Variants in CPNE4 observed in about 807,000 individuals in gnomAD.
CPNE4 encodes copine 4.
Under a neutral mutation model 67.9 loss-of-function variants are expected in CPNE4, and 25 were observed. The ratio of observed to expected loss-of-function variants is 0.37; its 90% CI spans 0.27 to 0.51. CPNE4 has a LOEUF of 0.51. Ranked by LOEUF, CPNE4 falls within the 20% of genes least tolerant of loss-of-function variation. The probability of loss-of-function intolerance (pLI) is 0.93; values close to 1 mark genes in which losing one functional copy is unlikely to be tolerated. For synonymous variants in CPNE4, 242 were observed against 244.9 expected (o/e 0.99, Z 0.11); for missense variants, 464 against 690.8 (o/e 0.67, Z 3.68).
intron 2 of CPNE4, among the ~76,000 whole-genome samples, chr3:131,902,309 G>A (rs1469373848): frequency 6.6e-6 from 1 of 152,034 alleles, no homozygotes; most frequent in Non-Finnish European, 1.5e-5. Context: ...GTTTGTGGTA[G>A]CTGTGTGCTA....
chr3:131,824,516 A>G (rs375015533), intron 2 of CPNE4, among the ~76,000 whole-genome samples: 4 of 152,272 alleles, frequency 2.6e-5, no homozygotes, highest in African/African-American at 9.6e-5. Flanking sequence ...TATGGAGGGA[A>G]AGAGGGTGGG....
At chr3:131,814,733 T>C (rs1264818809) in intron 2 of CPNE4, among the ~76,000 whole-genome samples, 1 of 141,926 alleles carries the variant, frequency 7.0e-6, no homozygotes, top group Non-Finnish European at 1.5e-5. Flanking sequence ...GCCTCCCAAG[T>C]AGCTGGGACT....
rs577225397 is a variant in CPNE4, at chr3:131,914,119, T to G, written c.-1-8675A>C. 3.9e-5 allele frequency among the ~76,000 whole-genome samples: 6 copies of G among 152,280 alleles called. No homozygotes were observed. In the East Asian group the frequency reaches 5.8e-4, roughly 15 times the overall value. On this transcript the variant is annotated intron_variant, in intron 1 of 15. Coordinates refer to ENST00000429747, the MANE Select transcript of CPNE4 (RefSeq NM_130808.3). ...GGGATAATCCTTTTGTAGGACCTATTAGGACACCCATTTCCATTTCATAGG... is the reference window on the plus strand; with the variant it reads ...GGGATAATCCTTTTGTAGGACCTATGAGGACACCCATTTCCATTTCATAGG...
At chr3:131,843,935 CT>C (rs2085894920) in intron 2 of CPNE4, among the ~76,000 whole-genome samples, 1 of 152,100 alleles carries the variant, frequency 6.6e-6, no homozygotes, top group Non-Finnish European at 1.5e-5. Flanking sequence ...CTGACTTGGT[CT>C]AAATATGGCC....
intron 3 of CPNE4, among the ~76,000 whole-genome samples, chr3:131,703,460 C>T (rs1012031261): frequency 2.0e-5 from 3 of 152,092 alleles, no homozygotes; most frequent in Non-Finnish European, 1.5e-5. Flanking sequence ...TACCATTAGC[C>T]CTCTTATCTG....
At chr3:131,754,340 GAA>G (rs1040486749) in intron 2 of CPNE4, among the ~76,000 whole-genome samples, 12 of 151,326 alleles carry the variant, frequency 7.9e-5, no homozygotes, top group East Asian at 3.9e-4. Flanking sequence ...GAAAGAGAGA[GAA>G]AAAAGAGGGT....
At chr3:131,789,649 G>C (rs1196361889) in intron 2 of CPNE4, among the ~76,000 whole-genome samples, 5 of 152,128 alleles carry the variant, frequency 3.3e-5, no homozygotes, top group African/African-American at 1.2e-4. Context: ...TATTCAATGA[G>C]GCATTTAATG....
intron 1 of CPNE4, among the ~76,000 whole-genome samples, chr3:132,029,529 A>G (rs1583620605): frequency 6.6e-6 from 1 of 152,072 alleles, no homozygotes; most frequent in South Asian, 2.1e-4. Context: ...TTCTAGACTC[A>G]CCAGCTCCTA....
chr3:131,649,733 G>A (rs1033575506), intron 7 of CPNE4, among the ~76,000 whole-genome samples: 1 of 152,086 alleles, frequency 6.6e-6, no homozygotes, highest in Non-Finnish European at 1.5e-5. Context: ...CTAAAAGAGT[G>A]CATAAGGTAT....
At chr3:131,792,693 A>ATATACATATATACACACGTGTATATATG (rs1560322701) in intron 2 of CPNE4, among the ~76,000 whole-genome samples, 2 of 60,626 alleles carry the variant, frequency 3.3e-5, no homozygotes, top group Non-Finnish European at 6.4e-5. Flanking sequence ...ACGTGTATAT[A>ATATACATATATACACACGTGTATATATG]TACATATACA....
chr3:131,832,048 G>A (rs894822257), intron 2 of CPNE4, among the ~76,000 whole-genome samples: 3 of 152,116 alleles, frequency 2.0e-5, no homozygotes, highest in Admixed American at 2.0e-4. Flanking sequence ...TGTTCATTCA[G>A]GTCAACATGA....
intron 1 of CPNE4, among the ~76,000 whole-genome samples, chr3:131,915,223 G>A (rs2089140864): frequency 6.6e-6 from 1 of 152,122 alleles, no homozygotes; most frequent in Non-Finnish European, 1.5e-5. Context: ...AAGATGATTT[G>A]TAATTTGCTT....
chr3:131,666,032 GA>G (rs1412008851), intron 7 of CPNE4, among the ~76,000 whole-genome samples: 1 of 151,870 alleles, frequency 6.6e-6, no homozygotes, highest in Admixed American at 6.6e-5. Context: ...AAAGCTCAAT[GA>G]AAAAAACAGG....
intron 1 of CPNE4, among the ~76,000 whole-genome samples, chr3:131,979,723 G>C (rs1583553412): frequency 6.6e-6 from 1 of 152,086 alleles, no homozygotes; most frequent in African/African-American, 2.4e-5. Flanking sequence ...CATTCATCAT[G>C]CTGTTTGTTG....
chr3:131,805,077 T>A (rs1303919801), intron 2 of CPNE4, among the ~76,000 whole-genome samples: 1 of 152,156 alleles, frequency 6.6e-6, no homozygotes, highest in African/African-American at 2.4e-5. Flanking sequence ...TTGCCTTGAG[T>A]CAAACCAACA....
At chr3:131,682,719 A>G (rs1165001437) in intron 6 of CPNE4, among the ~76,000 whole-genome samples, 1 of 152,054 alleles carries the variant, frequency 6.6e-6, no homozygotes, top group Non-Finnish European at 1.5e-5. Flanking sequence ...CCTTCCCTTC[A>G]GGTTAGTGAG....
At chr3:131,975,939 T>C (rs1285386845) in intron 1 of CPNE4, among the ~76,000 whole-genome samples, 1 of 152,078 alleles carries the variant, frequency 6.6e-6, no homozygotes, top group East Asian at 1.9e-4. Flanking sequence ...AATTTAAATG[T>C]CCTCTGATAC....
chr3:132,025,552 C>A (rs2074099165), intron 1 of CPNE4, among the ~76,000 whole-genome samples: 1 of 152,106 alleles, frequency 6.6e-6, no homozygotes. Context: ...ATCTACCATA[C>A]CTTCATAAAC....
chr3:131,817,417 G>A (rs1006582718), intron 2 of CPNE4, among the ~76,000 whole-genome samples: 4 of 152,182 alleles, frequency 2.6e-5, no homozygotes, highest in African/African-American at 9.7e-5. Context: ...AAACAGCAAG[G>A]AAGTCTATGT....
Sources: gnomAD v4.1 joint callset for allele counts (sites outside exome capture counted in the v4.1 genomes callset) on GRCh38, gnomAD v4.1.1 for gene constraint, MANE v1.5 for transcripts, NCBI Gene and HGNC (gene_info 2026-07-23, HGNC 2026-07-21) for gene names.